SCHIP1: variants seen among roughly 807,000 people sequenced by gnomAD.
SCHIP1 encodes schwannomin interacting protein 1, also known as schwannomin-interacting protein 1.
A neutral mutation model predicts 29.7 loss-of-function variants in SCHIP1; 8 were observed. The observed-to-expected ratio is 0.27, with a 90% CI of 0.16 to 0.49. SCHIP1 has a LOEUF of 0.49. Among genes scored for constraint, SCHIP1 ranks in the 20% least tolerant of loss-of-function variants. The probability of loss-of-function intolerance (pLI) is 0.99; values close to 1 mark genes in which losing one functional copy is unlikely to be tolerated. For synonymous variants in SCHIP1, 76 were observed against 94.9 expected (o/e 0.80, Z 1.16); for missense variants, 193 against 294.6 (o/e 0.66, Z 2.52).
the SCHIP1 span, among the ~76,000 whole-genome samples, chr3:159,722,990 T>C: frequency 6.6e-6 from 1 of 152,206 alleles, no homozygotes; most frequent in African/African-American, 2.4e-5. Flanking sequence ...CCCCTGGCTA[T>C]AGCAATTGGA....
chr3:159,626,004 A>ACAG, the SCHIP1 span, among the ~76,000 whole-genome samples: 1 of 151,618 alleles, frequency 6.6e-6, no homozygotes, highest in Admixed American at 6.6e-5. Flanking sequence ...TTTGACATGA[A>ACAG]CAGCGATGGT....
chr3:159,497,350 A>G, the SCHIP1 span, among the ~76,000 whole-genome samples: 2 of 152,188 alleles, frequency 1.3e-5, no homozygotes, highest in Middle Eastern at 3.4e-3. Context: ...CCCTTGATAA[A>G]TGTTCTATCA....
At chr3:159,591,004 A>G in the SCHIP1 span, among the ~76,000 whole-genome samples, 73 of 152,188 alleles carry the variant, frequency 4.8e-4, no homozygotes, top group African/African-American at 1.7e-3. Context: ...TCTTTTACTC[A>G]TAGCCCTTTT....
the SCHIP1 span, among the ~76,000 whole-genome samples, chr3:159,637,408 CA>C: frequency 6.6e-6 from 1 of 151,524 alleles, no homozygotes; most frequent in African/African-American, 2.4e-5. Context: ...CACACACACA[CA>C]CACACACACA....
At chr3:159,648,220 G>A in the SCHIP1 span, among the ~76,000 whole-genome samples, 1 of 152,094 alleles carries the variant, frequency 6.6e-6, no homozygotes, top group East Asian at 1.9e-4. Context: ...CCTTACCCTT[G>A]ACAGAAAGTT....
chr3:159,327,478 C>G, the SCHIP1 span, among the ~76,000 whole-genome samples: 2 of 152,184 alleles, frequency 1.3e-5, no homozygotes, highest in African/African-American at 4.8e-5. Flanking sequence ...GAACACAAGT[C>G]ACAGACCCCA....
At chr3:159,299,936 C>T in the SCHIP1 span, among the ~76,000 whole-genome samples, 1 of 152,062 alleles carries the variant, frequency 6.6e-6, no homozygotes, top group East Asian at 1.9e-4. Flanking sequence ...TCCTGTCTGG[C>T]TATGTCATTC....
chr3:159,882,909 C>G (rs750183112), intron 2 of SCHIP1, among the ~76,000 whole-genome samples: 11 of 152,342 alleles, frequency 7.2e-5, no homozygotes, highest in Non-Finnish European at 1.2e-4. Context: ...GGCACTGTCA[C>G]ACTGAGGCCA....
chr3:159,833,778 C>A, the SCHIP1 span, among the ~76,000 whole-genome samples: 1 of 152,188 alleles, frequency 6.6e-6, no homozygotes, highest in Non-Finnish European at 1.5e-5. Flanking sequence ...AAAATTTAAA[C>A]CTCCTTACTC....
At chr3:159,823,464 G>A in the SCHIP1 span, among the ~76,000 whole-genome samples, 12 of 152,274 alleles carry the variant, frequency 7.9e-5, no homozygotes, top group African/African-American at 2.6e-4. Context: ...CTTCTGTAGT[G>A]TGGAGTTAAT....
At chr3:159,291,870 G>A in the SCHIP1 span, among the ~76,000 whole-genome samples, 4 of 151,648 alleles carry the variant, frequency 2.6e-5, no homozygotes, top group Non-Finnish European at 4.4e-5. Flanking sequence ...ATAAATCAAT[G>A]GGATGAAAAA....
At chr3:159,870,189 T>A (rs1053855988) in intron 2 of SCHIP1, among the ~76,000 whole-genome samples, 9 of 152,018 alleles carry the variant, frequency 5.9e-5, no homozygotes, top group Non-Finnish European at 1.3e-4. Flanking sequence ...CAGCTTTATT[T>A]ATTCATTTTC....
intron 1 of SCHIP1, among the ~76,000 whole-genome samples, chr3:159,850,437 T>G (rs984004200): frequency 1.1e-4 from 17 of 150,162 alleles, no homozygotes; most frequent in African/African-American, 4.2e-4. Flanking sequence ...ACCTGTAATC[T>G]CAGCTACTTG....
chr3:159,277,529 T>A, the SCHIP1 span, among the ~76,000 whole-genome samples: 1 of 150,908 alleles, frequency 6.6e-6, no homozygotes, highest in Non-Finnish European at 1.5e-5. Context: ...TAGAAACCAA[T>A]TTACTGACCC....
chr3:159,838,927 A>G (rs1027114186), upstream of SCHIP1, among the ~76,000 whole-genome samples: 2 of 151,702 alleles, frequency 1.3e-5, no homozygotes, highest in Non-Finnish European at 2.9e-5. Flanking sequence ...GCTAAAAAAG[A>G]AAAGAAACAA....
the SCHIP1 span, among the ~76,000 whole-genome samples, chr3:159,360,871 C>T: frequency 6.6e-6 from 1 of 152,126 alleles, no homozygotes; most frequent in Non-Finnish European, 1.5e-5. Flanking sequence ...AAGTAAGAGG[C>T]CCTTGTCTCT....
the SCHIP1 span, among the ~76,000 whole-genome samples, chr3:159,825,082 C>G: frequency 6.6e-6 from 1 of 152,042 alleles, no homozygotes; most frequent in Non-Finnish European, 1.5e-5. Context: ...TTACACTTAT[C>G]AATAGACTTT....
In SCHIP1 at chr3:159,840,198, A is replaced by G. The variant is rs1156246675; in HGVS notation, c.14A>G (p.Asp5Gly). ...GGATGCACTGAGATGGTACATCAGG[A>G]TAACTGCTCGTATCAGGTAAAATTT... The change falls in exon 1 of 7, where the codon GAT becomes GGT. Residue 5 changes from aspartate (D) to glycine (G), a missense_variant. Asp to Gly is a moderately conservative substitution (Grantham distance 94, BLOSUM62 -1). Coordinates refer to ENST00000445224, the Ensembl canonical transcript of SCHIP1. 6 of 1,535,672 alleles carry G rather than the reference A, an allele frequency of 3.9e-6. No homozygotes were observed. The East Asian group carries it at 9.8e-5, about 25-fold the overall frequency.
At chr3:159,584,762 T>C in the SCHIP1 span, among the ~76,000 whole-genome samples, 1 of 152,100 alleles carries the variant, frequency 6.6e-6, no homozygotes, top group Non-Finnish European at 1.5e-5. Flanking sequence ...ACAGCCTGTG[T>C]TTCAGTAAGC....
Sources: gnomAD v4.1 joint callset for allele counts (sites outside exome capture counted in the v4.1 genomes callset) on GRCh38, gnomAD v4.1.1 for gene constraint, MANE v1.5 for transcripts, NCBI Gene and HGNC (gene_info 2026-07-23, HGNC 2026-07-21) for gene names.